RALGAPA1: variants seen among roughly 807,000 people sequenced by gnomAD.
The protein encoded by RALGAPA1 is Ral GTPase activating protein catalytic subunit alpha 1, also known as ral GTPase-activating protein subunit alpha-1.
In RALGAPA1, 52 loss-of-function variants were observed where a neutral mutation model predicts 269.6. The observed-to-expected ratio is 0.19, with a 90% CI of 0.15 to 0.24. The LOEUF (loss-of-function observed/expected upper bound fraction) is 0.24. RALGAPA1 is among the 10% of genes least tolerant of loss of function. The pLI, the probability that RALGAPA1 is intolerant of heterozygous loss-of-function variation, is 1.00. For missense variants in RALGAPA1, 1,917 were observed against 3,013.9 expected (o/e 0.64, Z 8.52); for synonymous variants, 817 against 1,008.3 (o/e 0.81, Z 3.60).
chr14:35,648,932 G>GA (rs1455548372), intron 31 of RALGAPA1, among the ~76,000 whole-genome samples: 1 of 152,146 alleles, frequency 6.6e-6, no homozygotes, highest in Non-Finnish European at 1.5e-5. Flanking sequence ...CACTTTTACT[G>GA]AATCATCTTC....
chr14:35,552,256 C>T (rs1227471762), intron 39 of RALGAPA1, among the ~76,000 whole-genome samples: 1 of 151,984 alleles, frequency 6.6e-6, no homozygotes, highest in Non-Finnish European at 1.5e-5. Context: ...TCTGAGTCCA[C>T]AACGAGGTGC....
At chr14:35,590,555 C>A (rs1371890606) in intron 37 of RALGAPA1, among the ~76,000 whole-genome samples, 3 of 152,188 alleles carry the variant, frequency 2.0e-5, no homozygotes, top group African/African-American at 7.2e-5. Flanking sequence ...TTCACATGCT[C>A]ACACTCCGTG....
At chr14:35,685,210 C>G in intron 19 of RALGAPA1, 65 bp from the exon 20 acceptor site, 1 of 1,370,388 alleles carries the variant, frequency 7.3e-7, no homozygotes, top group Non-Finnish European at 9.9e-7. Flanking sequence ...CATCTGAAAC[C>G]TTTAATTTCC....
chr14:35,631,095 C>T (rs2061332185), intron 33 of RALGAPA1, among the ~76,000 whole-genome samples: 1 of 151,970 alleles, frequency 6.6e-6, no homozygotes, highest in Non-Finnish European at 1.5e-5. Context: ...TGTTTGCTTT[C>T]CCTTCCCTAA....
rs1325276269 is a variant in RALGAPA1 at position 35,655,985 on chromosome 14, C to A, written c.5388-70G>T. 1.9e-6 allele frequency: 3 copies of A among 1,605,400 alleles called. No homozygotes were observed. The East Asian group carries it at 6.7e-5, about 36-fold the overall frequency. Reference sequence around the variant, plus strand: ...CACCACAAACATGACCCACAATCAACTGACACAGAATGAACATGCACTATT... The same window carrying A: ...CACCACAAACATGACCCACAATCAAATGACACAGAATGAACATGCACTATT... On this transcript the variant is annotated intron_variant, in intron 28 of 41. Transcript: ENST00000680220.
intron 9 of RALGAPA1, 95 bp from the exon 10 acceptor site, chr14:35,748,919 A>G: frequency 7.1e-7 from 1 of 1,411,016 alleles, no homozygotes; most frequent in Non-Finnish European, 9.2e-7. Context: ...ACAAAATCCA[A>G]AACATTTCCC....
intron 17 of RALGAPA1, among the ~76,000 whole-genome samples, chr14:35,696,593 A>C (rs1329464646): frequency 1.5e-5 from 2 of 137,812 alleles, no homozygotes; most frequent in Non-Finnish European, 3.0e-5. Flanking sequence ...TTTCTCATAG[A>C]TTTTGGTACG....
intron 1 of RALGAPA1, among the ~76,000 whole-genome samples, chr14:35,801,527 C>CA (rs1357861478): frequency 6.6e-6 from 1 of 152,150 alleles, no homozygotes; most frequent in Admixed American, 6.6e-5. Context: ...CTTGGCCTCC[C>CA]AAAGTGCTGG....
rs1337940201 is a variant in RALGAPA1, at chr14:35,643,865, AATG to A, written c.5676+7937_5676+7939del. On this transcript the variant is annotated intron_variant, in intron 31 of 41. Coordinates refer to ENST00000680220, the MANE Select transcript of RALGAPA1 (RefSeq NM_001346249.2). ...CTGAACTCATGGAGACAGAGAATAG[AATG>A]ATGGTTACCAGAGACTGGGAAGGGC... is the stretch of plus-strand genomic sequence containing the variant. Among the ~76,000 whole-genome samples the A allele has an allele frequency of 2.0e-5, 3 of 152,298 alleles. No individual in the cohort carries two copies. The South Asian group carries it at 6.2e-4, about 32-fold the overall frequency.
At chr14:35,668,462 G>A (rs1032663660) in intron 26 of RALGAPA1, among the ~76,000 whole-genome samples, 1 of 150,964 alleles carries the variant, frequency 6.6e-6, no homozygotes, top group African/African-American at 2.4e-5. Context: ...CAGTCCGAGT[G>A]ACAGAGACAG....
chr14:35,570,777 C>A, intron 38 of RALGAPA1, 33 bp from the exon 39 acceptor site: 1 of 1,567,000 alleles, frequency 6.4e-7, no homozygotes, highest in South Asian at 1.2e-5. Flanking sequence ...ATTTTACATT[C>A]AAATTACAGA....
intron 36 of RALGAPA1, among the ~76,000 whole-genome samples, chr14:35,599,908 T>C (rs189724413): frequency 3.7e-4 from 56 of 152,344 alleles, no homozygotes; most frequent in African/African-American, 1.3e-3. Flanking sequence ...CTGGATGCTT[T>C]CAAGAATTTT....
intron 17 of RALGAPA1, among the ~76,000 whole-genome samples, 163 bp from the exon 18 acceptor site, chr14:35,690,166 A>C (rs937774901): frequency 6.6e-6 from 1 of 152,182 alleles, no homozygotes; most frequent in Admixed American, 6.5e-5. Flanking sequence ...TAAAAAAATG[A>C]TGGGCACAAG....
chr14:35,778,959 G>A (rs918292558), intron 1 of RALGAPA1, among the ~76,000 whole-genome samples: 2 of 152,112 alleles, frequency 1.3e-5, no homozygotes, highest in African/African-American at 4.8e-5. Context: ...AGAAAATTTA[G>A]GTACAGAGAG....
chr14:35,729,436 A>C (rs2141023290), intron 12 of RALGAPA1, among the ~76,000 whole-genome samples: 1 of 152,318 alleles, frequency 6.6e-6, no homozygotes, highest in South Asian at 2.1e-4. Flanking sequence ...ATAGAACTTG[A>C]GAAATACCAC....
At chr14:35,683,659 C>G in intron 21 of RALGAPA1, 150 bp downstream of exon 21, 1 of 609,354 alleles carries the variant, frequency 1.6e-6, no homozygotes, top group East Asian at 2.9e-5. Flanking sequence ...AAACTAATGT[C>G]TTTTCTCCCC....
At chr14:35,582,998 C>T (rs1293647887) in intron 37 of RALGAPA1, among the ~76,000 whole-genome samples, 1 of 152,152 alleles carries the variant, frequency 6.6e-6, no homozygotes, top group African/African-American at 2.4e-5. Context: ...CACCATACCA[C>T]TAAAGGCCTA....
intron 37 of RALGAPA1, among the ~76,000 whole-genome samples, chr14:35,595,289 T>A (rs986056638): frequency 6.6e-6 from 1 of 152,070 alleles, no homozygotes; most frequent in Non-Finnish European, 1.5e-5. Context: ...GTTCTTGTCA[T>A]ACACACATAA....
intron 7 of RALGAPA1, 53 bp from the exon 8 acceptor site, chr14:35,752,215 T>C: frequency 1.4e-6 from 2 of 1,430,730 alleles, no homozygotes; most frequent in Non-Finnish European, 1.9e-6. Flanking sequence ...ATCTCTTAAA[T>C]GCAAGTATTA....
Sources: allele counts gnomAD v4.1 joint callset (sites outside exome capture counted in the v4.1 genomes callset), GRCh38; gene constraint gnomAD v4.1.1; transcripts MANE v1.5; gene names NCBI Gene and HGNC (gene_info 2026-07-23, HGNC 2026-07-21).